The following DHRS9 variants were observed in gnomAD, a reference collection of about 807,000 sequenced individuals.
The protein encoded by DHRS9 is dehydrogenase/reductase SDR family member 9.
Under a neutral mutation model 26.6 loss-of-function variants are expected in DHRS9, and 18 were observed. The observed-to-expected ratio is 0.68, with a 90% CI of 0.47 to 1.00. The LOEUF (loss-of-function observed/expected upper bound fraction) is 1.00. Among genes scored for constraint, DHRS9 ranks in the 50% least tolerant of loss-of-function variants. DHRS9 has a pLI of 0.00. For synonymous variants in DHRS9, 134 were observed against 141.1 expected (o/e 0.95, Z 0.36); for missense variants, 425 against 378.7 (o/e 1.12, Z -1.01).
rs573727127 is a variant in DHRS9 at position 169,069,594 on chromosome 2, G to A, written c.-183G>A. The A allele has an allele frequency of 3.3e-5, 33 of 985,386 alleles. No individual in the cohort carries two copies. The East Asian group carries it at 2.4e-3, about 71-fold the overall frequency. 61.0% of individuals were successfully genotyped at this position (985,386 alleles called of 1,614,324 possible). A position where few individuals can be genotyped will look rare whatever the true frequency, so the allele number is the denominator to read the frequency against. On this transcript the variant is annotated 5_prime_UTR_variant, in exon 1 of 5. Transcript: ENST00000674881. The stretch of plus-strand genomic sequence containing the variant: ...AGCTCTACGGAAACCCAGGCACCTC[G>A]ACCTCAAGAGGATCAGCCTGGCCAG...
chr2:169,093,552 C>T (rs1291712510), intron 4 of DHRS9, among the ~76,000 whole-genome samples: 1 of 152,162 alleles, frequency 6.6e-6, no homozygotes, highest in Non-Finnish European at 1.5e-5. Context: ...AACAAAACCC[C>T]TCATTTAAAA....
rs1017122650 is a variant in DHRS9, at chr2:169,081,754, C to T, written c.173C>T (p.Ala58Val). ...GATAAAAAGGGATTTCATGTAATCG[C>T]TGCCTGTCTGACTGAATCAGGATCA... ...TFDKKGFHVI[A>V]ACLTESGSTA... is the part of the protein sequence containing the mutation. The change falls in exon 2 of 5, where the codon GCT becomes GTT. Residue 58 changes from alanine (A) to valine (V), a missense_variant. Transcript: ENST00000674881. The T allele has an allele frequency of 8.1e-6, 13 of 1,614,080 alleles. No individual in the cohort carries two copies. The highest frequency in any genetic ancestry group is 8.5e-6 in the Non-Finnish European group (10 of 1,180,042).
intron 3 of DHRS9, 62 bp from the exon 4 acceptor site, chr2:169,091,728 C>T (rs996532568): frequency 1.3e-6 from 2 of 1,513,354 alleles, no homozygotes; most frequent in African/African-American, 1.4e-5. Context: ...AATAGTCACT[C>T]AAATAGCAAA....
chr2:169,070,495 T>C (rs952246867), intron 1 of DHRS9: 16 of 985,344 alleles, frequency 1.6e-5, no homozygotes, highest in Admixed American at 6.1e-5. Flanking sequence ...AGGGCACAGA[T>C]TGTGCTTCTG....
At chr2:169,086,348 C>T (rs960754468) in intron 3 of DHRS9, among the ~76,000 whole-genome samples, 3 of 152,196 alleles carry the variant, frequency 2.0e-5, no homozygotes, top group African/African-American at 4.8e-5. Context: ...TTATTTGTCT[C>T]GTTGTCAAAT....
intron 4 of DHRS9, among the ~76,000 whole-genome samples, chr2:169,094,987 CTATACAAG>C (rs56115849): frequency 0.16 from 24,173 of 152,012 alleles, 2,178 homozygotes; most frequent in Middle Eastern, 0.27. Flanking sequence ...TTATAGAAGC[CTATACAAG>C]TATACAAGTG....
Position 169,095,651 on chromosome 2 carries a change from G to C in DHRS9, c.844G>C (p.Ala282Pro), listed in dbSNP as rs990028041. 2 of 1,613,844 alleles carry C rather than the reference G, an allele frequency of 1.2e-6. No individual in the cohort carries two copies. Among genetic ancestry groups the C allele is most frequent in the African/African-American group, 2.7e-5 (2 of 74,886 alleles). The change falls in exon 5 of 5, where the codon GCC (alanine) becomes CCC (proline). Residue 282 changes from alanine (A) to proline (P), a missense_variant. Coordinates refer to ENST00000674881, the MANE Select transcript of DHRS9 (RefSeq NM_001376924.1). ...LTSLFPKTHY[A>P]AGKDAKIFWI... ...AAGTCTCTTCCCTAAGACTCATTATGCCGCTGGAAAAGATGCCAAAATTTT... is the reference window on the plus strand; with the variant it reads ...AAGTCTCTTCCCTAAGACTCATTATCCCGCTGGAAAAGATGCCAAAATTTT...
chr2:169,072,232 G>A (rs2105278355), intron 1 of DHRS9, among the ~76,000 whole-genome samples: 1 of 152,218 alleles, frequency 6.6e-6, no homozygotes, highest in East Asian at 1.9e-4. Flanking sequence ...TTTTCTATTT[G>A]ATGTATTTTG....
In DHRS9 at chr2:169,092,026, G is replaced by A. The variant is rs180686161; in HGVS notation, c.736+73G>A. The A allele has an allele frequency of 1.7e-5, 25 of 1,498,866 alleles. No homozygotes were observed. In the African/African-American group the frequency reaches 2.8e-4, roughly 17 times the overall value. 92.8% of individuals were successfully genotyped at this position (1,498,866 alleles called of 1,614,324 possible). On this transcript the variant is annotated intron_variant, in intron 4 of 4. Coordinates refer to ENST00000674881, the MANE Select transcript of DHRS9 (RefSeq NM_001376924.1). ...ACAGCATGAAGGAGATTCAAATACA[G>A]ATGAAATAACAAGGTTCTGAGTAAT...
intron 2 of DHRS9, among the ~76,000 whole-genome samples, chr2:169,082,792 A>G (rs1448546128): frequency 6.7e-6 from 1 of 150,200 alleles, no homozygotes; most frequent in African/African-American, 2.4e-5. Flanking sequence ...CAGGAAAAAT[A>G]GATCAATTTG....
Position 169,095,607 on chromosome 2 carries a change from G to T in DHRS9, c.800G>T (p.Cys267Phe). ...ATGGACCTCTCTCCGGTGGTAGAGT[G>T]CATGGACCACGCTCTAACAAGTCTC... ...VNMDLSPVVECMDHALTSLFP... is the reference protein window; with the variant it reads ...VNMDLSPVVEFMDHALTSLFP... Residue 267 changes from cysteine (C) to phenylalanine (F), a missense_variant, in exon 5 of 5, where the codon TGC (cysteine) becomes TTC (phenylalanine). Physicochemically the swap from Cys to Phe is radical, Grantham distance 205. Coordinates refer to ENST00000674881, the MANE Select transcript of DHRS9 (RefSeq NM_001376924.1). 1 of 1,613,868 alleles carries T rather than the reference G, an allele frequency of 6.2e-7. No homozygotes were observed. The highest frequency in any genetic ancestry group is 8.5e-7 in the Non-Finnish European group (1 of 1,179,896).
At chr2:169,072,723 T>G in intron 1 of DHRS9, 2 of 909,344 alleles carry the variant, frequency 2.2e-6, no homozygotes, top group Non-Finnish European at 2.6e-6. Context: ...TTTCTTGGTT[T>G]CTTTTGAATC....
intron 1 of DHRS9, 39 bp from the exon 2 acceptor site, chr2:169,081,484 G>A (rs1684179203): frequency 1.3e-6 from 2 of 1,513,358 alleles, no homozygotes; most frequent in Non-Finnish European, 1.8e-6. Context: ...TGCCTTGGTA[G>A]TTCTAATTTG....
intron 4 of DHRS9, among the ~76,000 whole-genome samples, chr2:169,092,975 G>A (rs10171868): frequency 2.0e-5 from 3 of 151,876 alleles, no homozygotes; most frequent in South Asian, 2.1e-4. Flanking sequence ...CAGCCTGACC[G>A]TGCCATTTAT....
At position 169,069,713 on chromosome 2, in the gene DHRS9, A is replaced by G. The variant is rs564787061; in HGVS notation, c.-64A>G. On this transcript the variant is annotated 5_prime_UTR_variant, in exon 1 of 5. Transcript: ENST00000674881. ...GTTTCTGTGTCCCACTTCATCTTTA[A>G]TAAGGTAACTGATGACAGTTTTGTC... is the stretch of plus-strand genomic sequence containing the variant. The G allele has an allele frequency of 1.3e-5, 13 of 985,480 alleles. No individual in the cohort carries two copies. In the South Asian group the frequency reaches 5.2e-4, roughly 39 times the overall value. The allele number at this position is 985,480 out of a possible 1,614,324, so 61.0% of individuals were successfully genotyped here.
At chr2:169,091,673 T>A in intron 3 of DHRS9, 117 bp from the exon 4 acceptor site, 4 of 1,177,528 alleles carry the variant, frequency 3.4e-6, no homozygotes, top group Non-Finnish European at 4.8e-6. Context: ...GATATTTCTT[T>A]CAAATGCACC....
chr2:169,071,173 T>A (rs539226863), intron 1 of DHRS9, among the ~76,000 whole-genome samples: 148 of 152,220 alleles, frequency 9.7e-4, no homozygotes, highest in Non-Finnish European at 1.9e-3. Context: ...CCTATACATA[T>A]GTTCTATGTT....
chr2:169,073,681 CA>C (rs1683878113), intron 1 of DHRS9, among the ~76,000 whole-genome samples: 1 of 152,060 alleles, frequency 6.6e-6, no homozygotes, highest in Non-Finnish European at 1.5e-5. Flanking sequence ...GACAAAAAGA[CA>C]TTTTAAAATA....
intron 3 of DHRS9, among the ~76,000 whole-genome samples, chr2:169,091,154 G>T (rs1684509083): frequency 1.3e-5 from 2 of 151,822 alleles, no homozygotes; most frequent in Admixed American, 6.6e-5. Context: ...AAAGAAAGGG[G>T]CACCATGATT....
Sources: allele counts gnomAD v4.1 joint callset (sites outside exome capture counted in the v4.1 genomes callset), GRCh38; gene constraint gnomAD v4.1.1; transcripts MANE v1.5; gene names NCBI Gene and HGNC (gene_info 2026-07-23, HGNC 2026-07-21).